Variants in SEC24A observed in about 807,000 individuals in gnomAD.
The protein encoded by SEC24A is protein transport protein Sec24A.
SEC24A carries 93 observed loss-of-function variants against 129.4 expected under a neutral mutation model. That is an observed-to-expected ratio of 0.72 (90% CI 0.61 to 0.85). The LOEUF (loss-of-function observed/expected upper bound fraction) is 0.85, where lower values mean the gene tolerates loss of function less well. SEC24A is among the 40% of genes least tolerant of loss of function. SEC24A has a pLI of 0.00. For synonymous variants in SEC24A, 460 were observed against 467.3 expected (o/e 0.98, Z 0.20); for missense variants, 1,264 against 1,307.4 (o/e 0.97, Z 0.51).
intron 7 of SEC24A, among the ~76,000 whole-genome samples, chr5:134,676,815 T>C (rs1044076585): frequency 1.3e-5 from 2 of 152,170 alleles, no homozygotes; most frequent in Admixed American, 6.6e-5. Flanking sequence ...GAATTACATA[T>C]AGAATTTGTT....
intron 17 of SEC24A, 103 bp from the exon 18 acceptor site, chr5:134,708,610 G>A: frequency 1.9e-6 from 2 of 1,034,674 alleles, no homozygotes; most frequent in Non-Finnish European, 2.8e-6. Flanking sequence ...AAATTGGAGA[G>A]ATACTTGGTA....
In SEC24A at chr5:134,686,917, T is replaced by G. The variant is rs1303567432; in HGVS notation, c.1604+15T>G. 2.2e-6 allele frequency: 3 copies of G among 1,367,132 alleles called. No individual in the cohort carries two copies. The highest frequency in any genetic ancestry group is 1.0e-6 in the Non-Finnish European group (1 of 971,262). The allele number at this position is 1,367,132 out of a possible 1,614,324, so 84.7% of individuals were successfully genotyped here. A position where few individuals can be genotyped will look rare whatever the true frequency, so the allele number is the denominator to read the frequency against. On this transcript the variant is annotated intron_variant, in intron 10 of 22. Coordinates refer to ENST00000398844, the MANE Select transcript of SEC24A (RefSeq NM_021982.3). ...AATCTGGATTTGTAAGTTTCTCAAT[T>G]CAGCTTAAATATGAAACTAATAATA... is the stretch of plus-strand genomic sequence containing the variant.
chr5:134,712,827 C>T lies in SEC24A; in HGVS notation c.2728-2197C>T, dbSNP rs567513148. ...TAGAGACGGGGTTTCACCGTGTTAA[C>T]CAGGATGGCCTCAATTTCCTGACCT... On this transcript the variant is annotated intron_variant, in intron 18 of 22. Transcript: ENST00000398844. Among the ~76,000 whole-genome samples, 498 of 151,292 alleles carry T rather than the reference C, an allele frequency of 3.3e-3. 1 individual carries two copies. The highest frequency in any genetic ancestry group is 0.012 in the African/African-American group (476 of 41,194).
intron 7 of SEC24A, among the ~76,000 whole-genome samples, chr5:134,677,793 C>G (rs1490957051): frequency 6.7e-6 from 1 of 150,204 alleles, no homozygotes; most frequent in African/African-American, 2.5e-5. Context: ...GCCAAGATCC[C>G]ACACTGTACT....
chr5:134,719,187 G>C (rs1752562418), intron 20 of SEC24A, among the ~76,000 whole-genome samples: 1 of 152,048 alleles, frequency 6.6e-6, no homozygotes, highest in African/African-American at 2.4e-5. Flanking sequence ...TTCGAGACCA[G>C]CCGGGGCAAC....
At chr5:134,669,555 C>A (rs1750784841) in intron 3 of SEC24A, among the ~76,000 whole-genome samples, 1 of 151,858 alleles carries the variant, frequency 6.6e-6, no homozygotes, top group Admixed American at 6.6e-5. Flanking sequence ...TGGCTCACTG[C>A]AACCTCCGCT....
chr5:134,712,816 C>T (rs999161465), intron 18 of SEC24A, among the ~76,000 whole-genome samples: 8 of 151,294 alleles, frequency 5.3e-5, no homozygotes, highest in African/African-American at 1.9e-4. Flanking sequence ...GACGGGGTTT[C>T]ACCGTGTTAA....
chr5:134,682,337 A>C (rs755419440), intron 8 of SEC24A, 36 bp from the exon 9 acceptor site: 2 of 1,085,856 alleles, frequency 1.8e-6, no homozygotes, highest in Non-Finnish European at 2.8e-6. Context: ...AATTCTTTTC[A>C]GTTTTTTCAA....
intron 3 of SEC24A, among the ~76,000 whole-genome samples, chr5:134,671,467 T>C (rs1382967364): frequency 6.6e-6 from 1 of 152,214 alleles, no homozygotes; most frequent in Non-Finnish European, 1.5e-5. Flanking sequence ...TCAGATGGTA[T>C]ATAATTTTAT....
At position 134,661,276 on chromosome 5, in the gene SEC24A, T is replaced by C. The variant is rs780688469; in HGVS notation, c.255T>C (p.Thr85=). The part of the protein sequence containing the change: ...NYGGSQGSGQ[T]LNRPPVASNP... ...GTGGTTCTCAGGGATCTGGGCAGAC[T>C]CTTAATAGACCACCTGTGGCCTCTA... Residue 85 remains threonine, a synonymous_variant, in exon 2 of 23, where the codon ACT becomes ACC. Transcript: ENST00000398844. The C allele has an allele frequency of 1.2e-6, 2 of 1,614,174 alleles. No individual in the cohort carries two copies. Among genetic ancestry groups the C allele is most frequent in the Non-Finnish European group, 8.5e-7 (1 of 1,180,038 alleles).
At chr5:134,696,293 A>T (rs895391201) in intron 13 of SEC24A, among the ~76,000 whole-genome samples, 7 of 152,008 alleles carry the variant, frequency 4.6e-5, no homozygotes, top group Non-Finnish European at 8.8e-5. Context: ...AAAAGAAAAA[A>T]AGAAAATGAT....
At chr5:134,659,796 G>A (rs1365644753) in intron 1 of SEC24A, among the ~76,000 whole-genome samples, 1 of 151,892 alleles carries the variant, frequency 6.6e-6, no homozygotes, top group Non-Finnish European at 1.5e-5. Flanking sequence ...GGACTTACAG[G>A]CAGGCGCCAC....
intron 1 of SEC24A, among the ~76,000 whole-genome samples, chr5:134,656,820 C>T (rs1403658541): frequency 1.4e-5 from 2 of 147,424 alleles, no homozygotes; most frequent in Non-Finnish European, 3.0e-5. Context: ...CTCATTCTGT[C>T]GCCCTGGCCG....
intron 11 of SEC24A, among the ~76,000 whole-genome samples, chr5:134,688,772 C>T (rs760815513): frequency 2.2e-4 from 33 of 152,196 alleles, no homozygotes; most frequent in Non-Finnish European, 3.2e-4. Context: ...CTATGCCTCC[C>T]GGTTTCAAGC....
In SEC24A at chr5:134,679,611, G is replaced by C. The variant is rs1047636134; in HGVS notation, c.1264G>C (p.Val422Leu). 1.9e-6 allele frequency: 3 copies of C among 1,548,754 alleles called. No homozygotes were observed. The highest frequency in any genetic ancestry group is 2.6e-6 in the Non-Finnish European group (3 of 1,142,886). The part of the protein sequence containing the change: ...HPFKDLVQLP[V>L]VTSSTIVRCR... ...GTTTTTTTTTTTCCAGCAATTGCCTGTGGTTACCTCCAGTACAATTGTGAG... is the reference window on the plus strand; with the variant it reads ...GTTTTTTTTTTTCCAGCAATTGCCTCTGGTTACCTCCAGTACAATTGTGAG... The change falls in exon 8 of 23, where the codon GTG becomes CTG. Residue 422 changes from valine (V) to leucine (L), a missense_variant. Transcript: ENST00000398844.
Position 134,661,497 on chromosome 5 carries a change from C to A in SEC24A, c.476C>A (p.Pro159Gln), listed in dbSNP as rs910046724. ...TNHCPRASSQ[P>Q]TVSGNTSLTT... ...CATTGTCCTCGTGCATCATCCCAACCAACTGTATCTGGAAATACAAGTTTA... is the reference window on the plus strand; with the variant it reads ...CATTGTCCTCGTGCATCATCCCAACAAACTGTATCTGGAAATACAAGTTTA... The change falls in exon 2 of 23, where the codon CCA becomes CAA. Residue 159 changes from proline (P) to glutamine (Q), a missense_variant. Pro to Gln is a moderately conservative substitution (Grantham distance 76). Coordinates refer to ENST00000398844, the MANE Select transcript of SEC24A (RefSeq NM_021982.3). The A allele has an allele frequency of 1.2e-6, 2 of 1,614,022 alleles. No homozygotes were observed. The highest frequency in any genetic ancestry group is 2.7e-5 in the African/African-American group (2 of 74,942).
chr5:134,697,833 T>TA (rs1317335425), intron 14 of SEC24A, 66 bp from the exon 15 acceptor site: 3 of 1,424,452 alleles, frequency 2.1e-6, no homozygotes, highest in Non-Finnish European at 2.9e-6. Context: ...TCCAATGTCT[T>TA]TAGTTACTTT....
intron 7 of SEC24A, among the ~76,000 whole-genome samples, chr5:134,676,813 T>C (rs1288392031): frequency 5.3e-5 from 8 of 152,198 alleles, no homozygotes; most frequent in Non-Finnish European, 1.2e-4. Context: ...AAGAATTACA[T>C]ATAGAATTTG....
intron 19 of SEC24A, 51 bp from the exon 20 acceptor site, chr5:134,718,018 A>T (rs1752528052): frequency 1.5e-6 from 2 of 1,369,442 alleles, no homozygotes; most frequent in Non-Finnish European, 2.1e-6. Flanking sequence ...TTTAACTGTG[A>T]CTCCATATTT....
Sources: gnomAD v4.1 joint callset for allele counts (sites outside exome capture counted in the v4.1 genomes callset) on GRCh38, gnomAD v4.1.1 for gene constraint, MANE v1.5 for transcripts, NCBI Gene and HGNC (gene_info 2026-07-23, HGNC 2026-07-21) for gene names.